Variants in CSNK1G1 observed in about 807,000 individuals in gnomAD.
CSNK1G1 encodes casein kinase 1 gamma 1.
A neutral mutation model predicts 59.6 loss-of-function variants in CSNK1G1; 22 were observed. The observed-to-expected ratio is 0.37, with a 90% CI of 0.26 to 0.53. The LOEUF is 0.53. Among genes scored for constraint, CSNK1G1 ranks in the 20% least tolerant of loss-of-function variants. The probability of loss-of-function intolerance (pLI) is 0.89; values close to 1 mark genes in which losing one functional copy is unlikely to be tolerated. For synonymous variants in CSNK1G1, 179 were observed against 177.1 expected (o/e 1.01, Z -0.08); for missense variants, 384 against 519.5 (o/e 0.74, Z 2.54).
chr15:64,173,619 C>CTTTTTTTTTTTTTTTT (rs928192194), intron 11 of CSNK1G1, among the ~76,000 whole-genome samples: 14 of 108,562 alleles, frequency 1.3e-4, no homozygotes, highest in Non-Finnish European at 1.7e-4. Flanking sequence ...CTTTTCTTTT[C>CTTTTTTTTTTTTTTTT]TTTTTTTTTT....
intron 8 of CSNK1G1, 63 bp downstream of exon 8, chr15:64,204,802 C>T: frequency 2.5e-6 from 3 of 1,204,632 alleles, no homozygotes; most frequent in Middle Eastern, 1.9e-4. Flanking sequence ...TAGAGATACC[C>T]AGTCATGGAC....
chr15:64,326,758 G>A (rs1230392345), intron 1 of CSNK1G1, among the ~76,000 whole-genome samples: 2 of 151,792 alleles, frequency 1.3e-5, no homozygotes, highest in African/African-American at 4.8e-5. Flanking sequence ...TTCCATCTGA[G>A]GTACCGGGTT....
At position 64,300,728 on chromosome 15, in the gene CSNK1G1, G is replaced by A; in HGVS notation, c.-224-5C>T. The A allele has an allele frequency of 1.6e-6, 2 of 1,235,152 alleles. No homozygotes were observed. Among genetic ancestry groups the A allele is most frequent in the Non-Finnish European group, 2.0e-6 (2 of 988,484 alleles). The allele number at this position is 1,235,152 out of a possible 1,614,324, so 76.5% of individuals were successfully genotyped here. On this transcript the variant is annotated splice_region_variant and splice_polypyrimidine_tract_variant and intron_variant, in intron 1 of 11. Transcript: ENST00000303052. ...CTTAGGTGAACATCTTGTAACCTAGGTAAAAATCAAGAAAACATGTAGTTA... is the reference window on the plus strand; with the variant it reads ...CTTAGGTGAACATCTTGTAACCTAGATAAAAATCAAGAAAACATGTAGTTA...
rs533712916 is a variant in CSNK1G1, at chr15:64,204,380, C to G, written c.999+61G>C. 2.8e-5 allele frequency: 37 copies of G among 1,328,374 alleles called. No homozygotes were observed. In the South Asian group the frequency reaches 5.2e-4, roughly 19 times the overall value. The allele number at this position is 1,328,374 out of a possible 1,614,324, so 82.3% of individuals were successfully genotyped here. A position where few individuals can be genotyped will look rare whatever the true frequency, so the allele number is the denominator to read the frequency against. ...AAGACTGGCAAGTAAAGGCATGAGG[C>G]AGTGCTGGTTGGAGAAAGGAGGTAA... On this transcript the variant is annotated intron_variant, in intron 9 of 11. Transcript: ENST00000303052.
At chr15:64,198,320 C>T (rs1762631703) in intron 10 of CSNK1G1, among the ~76,000 whole-genome samples, 1 of 151,724 alleles carries the variant, frequency 6.6e-6, no homozygotes, top group Non-Finnish European at 1.5e-5. Flanking sequence ...ATTCTCCTGC[C>T]TCAGCCTCCC....
chr15:64,199,722 G>A (rs1242331483), intron 10 of CSNK1G1, among the ~76,000 whole-genome samples: 3 of 151,996 alleles, frequency 2.0e-5, no homozygotes, highest in Admixed American at 6.5e-5. Flanking sequence ...GTGTGGTGGC[G>A]TGCGCCTGCA....
intron 10 of CSNK1G1, among the ~76,000 whole-genome samples, chr15:64,201,747 TG>T (rs1567370285): frequency 0.063 from 8,317 of 133,056 alleles, 256 homozygotes; most frequent in Non-Finnish European, 0.069. Flanking sequence ...TGTGTGTGTG[TG>T]TGTTTATATA....
intron 4 of CSNK1G1, among the ~76,000 whole-genome samples, chr15:64,219,000 G>A (rs1472234266): frequency 6.6e-6 from 1 of 151,438 alleles, no homozygotes; most frequent in Non-Finnish European, 1.5e-5. Context: ...GATTACAGGT[G>A]CACACCACCA....
At chr15:64,318,396 T>C (rs897089557) in intron 1 of CSNK1G1, among the ~76,000 whole-genome samples, 1 of 152,186 alleles carries the variant, frequency 6.6e-6, no homozygotes. Context: ...GGCATGAGAT[T>C]AGGGCAGTTA....
Position 64,168,689 on chromosome 15 carries a change from G to C in CSNK1G1, c.*3242C>G, listed in dbSNP as rs2081630134. The stretch of plus-strand genomic sequence containing the variant: ...CAGAGCAAGTGGATGGGTGGGGACA[G>C]TCAGCGAGTGCATGCCCTAACCCCA... On this transcript the variant is annotated 3_prime_UTR_variant, in exon 12 of 12. Transcript: ENST00000303052. 1 of 152,260 alleles carries C rather than the reference G, an allele frequency of 6.6e-6. No individual in the cohort carries two copies. Among genetic ancestry groups the C allele is most frequent in the Admixed American group, 6.5e-5 (1 of 15,290 alleles). 9.4% of individuals were successfully genotyped at this position (152,260 alleles called of 1,614,324 possible).
intron 7 of CSNK1G1, 122 bp from the exon 8 acceptor site, chr15:64,205,071 T>C: frequency 1.8e-6 from 1 of 564,846 alleles, no homozygotes; most frequent in Non-Finnish European, 3.1e-6. Context: ...CTTGATTTTT[T>C]TTCTAACACT....
intron 1 of CSNK1G1, among the ~76,000 whole-genome samples, chr15:64,307,968 G>C (rs1895775517): frequency 6.6e-6 from 1 of 152,014 alleles, no homozygotes; most frequent in East Asian, 1.9e-4. Flanking sequence ...TTACAGGCGT[G>C]AACCACCGCG....
chr15:64,285,167 A>G (rs1256575383), intron 2 of CSNK1G1, among the ~76,000 whole-genome samples: 2 of 152,150 alleles, frequency 1.3e-5, no homozygotes, highest in African/African-American at 2.4e-5. Flanking sequence ...TGGAAGCCCA[A>G]TTTTATGGTT....
At chr15:64,224,885 T>C (rs1481181107) in intron 4 of CSNK1G1, among the ~76,000 whole-genome samples, 5 of 152,112 alleles carry the variant, frequency 3.3e-5, no homozygotes, top group Admixed American at 2.6e-4. Context: ...TAATTATGAA[T>C]GCCTTGAGCC....
intron 1 of CSNK1G1, among the ~76,000 whole-genome samples, chr15:64,310,987 G>C (rs1322411630): frequency 7.8e-6 from 1 of 128,966 alleles, no homozygotes; most frequent in East Asian, 2.4e-4. Flanking sequence ...CCTGGCAAGA[G>C]AGCTAGACTC....
intron 1 of CSNK1G1, among the ~76,000 whole-genome samples, chr15:64,347,716 A>C (rs1446791761): frequency 5.3e-5 from 8 of 152,134 alleles, no homozygotes; most frequent in Admixed American, 5.2e-4. Flanking sequence ...GCCACAAAAA[A>C]ACATGAAGAG....
chr15:64,234,154 TC>T (rs2082584635), intron 4 of CSNK1G1, among the ~76,000 whole-genome samples: 1 of 152,128 alleles, frequency 6.6e-6, no homozygotes. Context: ...TAAGTTCTGC[TC>T]CCTAAGAGGA....
intron 3 of CSNK1G1, among the ~76,000 whole-genome samples, chr15:64,254,961 T>C (rs772203507): frequency 1.8e-4 from 27 of 152,258 alleles, no homozygotes; most frequent in African/African-American, 2.9e-4. Flanking sequence ...TCTGAATTAA[T>C]TGTTGAATAC....
chr15:64,226,936 T>C (rs1467127925), intron 4 of CSNK1G1, among the ~76,000 whole-genome samples: 1 of 152,174 alleles, frequency 6.6e-6, no homozygotes, highest in Non-Finnish European at 1.5e-5. Flanking sequence ...CCCATTACAC[T>C]TTCTTTATCC....
Sources: allele counts gnomAD v4.1 joint callset (sites outside exome capture counted in the v4.1 genomes callset), GRCh38; gene constraint gnomAD v4.1.1; transcripts MANE v1.5; gene names NCBI Gene and HGNC (gene_info 2026-07-23, HGNC 2026-07-21).